C12orf56: variants seen among roughly 807,000 people sequenced by gnomAD.
C12orf56 encodes the protein chromosome 12 open reading frame 56.
In C12orf56, 71 loss-of-function variants were observed where a neutral mutation model predicts 69.9. The observed-to-expected ratio is 1.02, with a 90% CI of 0.84 to 1.24. The LOEUF (loss-of-function observed/expected upper bound fraction) is 1.24, where lower values mean the gene tolerates loss of function less well. C12orf56 is among the 50% of genes most tolerant of loss of function. C12orf56 has a pLI of 0.00. For missense variants in C12orf56, 732 were observed against 738.5 expected (o/e 0.99, Z 0.10); for synonymous variants, 276 against 274.1 (o/e 1.01, Z -0.07).
chr12:64,324,147 T>C (rs1442416425), intron 3 of C12orf56, among the ~76,000 whole-genome samples: 1 of 152,196 alleles, frequency 6.6e-6, no homozygotes, highest in Admixed American at 6.5e-5. Context: ...CACAAGCCAA[T>C]ATTATGCAAG....
chr12:64,347,005 G>A (rs370706782), intron 2 of C12orf56, among the ~76,000 whole-genome samples: 36 of 147,838 alleles, frequency 2.4e-4, no homozygotes, highest in South Asian at 4.3e-4. Flanking sequence ...ATGGAGTCTC[G>A]CTCTGTCTTG....
At chr12:64,379,927 CA>C (rs200293677) in intron 1 of C12orf56, among the ~76,000 whole-genome samples, 1,472 of 113,298 alleles carry the variant, frequency 0.013, 2 homozygotes, top group Non-Finnish European at 0.016. Context: ...ACTAAAAATA[CA>C]AAAAAAAAAA....
intron 6 of C12orf56, among the ~76,000 whole-genome samples, chr12:64,298,993 T>C (rs568612842): frequency 6.6e-6 from 1 of 152,334 alleles, no homozygotes; most frequent in East Asian, 1.9e-4. Flanking sequence ...ATTTTCACGA[T>C]ATTGATTCTT....
chr12:64,320,915 G>A (rs1565755108), intron 3 of C12orf56, among the ~76,000 whole-genome samples: 1 of 152,142 alleles, frequency 6.6e-6, no homozygotes, highest in South Asian at 2.1e-4. Flanking sequence ...AACCCTATAA[G>A]AACAGTAACT....
At chr12:64,299,219 T>C (rs183694675) in intron 6 of C12orf56, among the ~76,000 whole-genome samples, 1 of 152,320 alleles carries the variant, frequency 6.6e-6, no homozygotes, top group Admixed American at 6.5e-5. Context: ...CTTGTGATTT[T>C]TGTGCATTGA....
intron 1 of C12orf56, among the ~76,000 whole-genome samples, chr12:64,379,450 A>AT (rs1302773664): frequency 6.6e-6 from 1 of 151,364 alleles, no homozygotes; most frequent in Non-Finnish European, 1.5e-5. Context: ...ATGCCCGGCT[A>AT]TTTTTTTGTA....
chr12:64,289,519 G>A (rs61933486), intron 6 of C12orf56, among the ~76,000 whole-genome samples: 1 of 10,486 alleles, frequency 9.5e-5, no homozygotes, highest in African/African-American at 1.8e-4. Context: ...TTTGAAATAC[G>A]TCCCATCAAT....
intron 6 of C12orf56, among the ~76,000 whole-genome samples, chr12:64,294,165 T>TAA (rs58293333): frequency 4.7e-5 from 7 of 148,564 alleles, no homozygotes; most frequent in South Asian, 2.2e-4. Flanking sequence ...TAGCTACTAT[T>TAA]AAAAAAAAAA....
Position 64,390,256 on chromosome 12 carries a change from C to T in C12orf56, c.252+58G>A, listed in dbSNP as rs1592513457. On this transcript the variant is annotated intron_variant, in intron 1 of 12. Coordinates refer to ENST00000543942, the MANE Select transcript of C12orf56 (RefSeq NM_001170633.2). Reference sequence around the variant, plus strand: ...CGCGCAGGAGGGCTGGGTTTGGGGGCCCCAGCCGGGAGTTCTCACTGCGCT... The same window carrying T: ...CGCGCAGGAGGGCTGGGTTTGGGGGTCCCAGCCGGGAGTTCTCACTGCGCT... 2.0e-6 allele frequency: 3 copies of T among 1,521,060 alleles called. No homozygotes were observed. In the Admixed American group the frequency reaches 6.1e-5, roughly 31 times the overall value. The allele number at this position is 1,521,060 out of a possible 1,614,324, so 94.2% of individuals were successfully genotyped here.
chr12:64,308,959 GAAAGAAAGAAAGA>G, intron 5 of C12orf56, among the ~76,000 whole-genome samples: 1 of 110,020 alleles, frequency 9.1e-6, no homozygotes, highest in South Asian at 3.0e-4. Flanking sequence ...AAGAAAGAAA[GAAAGAAAGAAAGA>G]AAAGAAAGAA....
intron 2 of C12orf56, among the ~76,000 whole-genome samples, chr12:64,343,872 T>G (rs1432046400): frequency 6.6e-6 from 1 of 152,166 alleles, no homozygotes; most frequent in Non-Finnish European, 1.5e-5. Flanking sequence ...ATAATAGCCC[T>G]CAATCTACCA....
intron 11 of C12orf56, among the ~76,000 whole-genome samples, chr12:64,274,353 T>G (rs1053451607): frequency 1.3e-5 from 2 of 152,102 alleles, no homozygotes; most frequent in South Asian, 4.1e-4. Context: ...GTAGGCCATG[T>G]TAAGGAGTTT....
chr12:64,365,234 G>C (rs1440543465), intron 1 of C12orf56, among the ~76,000 whole-genome samples: 1 of 145,730 alleles, frequency 6.9e-6, no homozygotes, highest in Non-Finnish European at 1.5e-5. Flanking sequence ...GCGCGATCTC[G>C]GCTCACTGCA....
chr12:64,335,067 T>C (rs544316479), intron 2 of C12orf56, among the ~76,000 whole-genome samples: 1 of 152,148 alleles, frequency 6.6e-6, no homozygotes, highest in Non-Finnish European at 1.5e-5. Context: ...TGTTGGGTAA[T>C]GCTGTTCTAG....
intron 2 of C12orf56, among the ~76,000 whole-genome samples, chr12:64,344,542 G>A (rs143725857): frequency 7.6e-4 from 115 of 152,286 alleles, no homozygotes; most frequent in African/African-American, 2.5e-3. Flanking sequence ...TGCCCACCTT[G>A]CCTTTGACAG....
intron 2 of C12orf56, among the ~76,000 whole-genome samples, 160 bp from the exon 3 acceptor site, chr12:64,331,192 CT>C (rs67204029): frequency 0.27 from 40,448 of 152,078 alleles, 5,787 homozygotes; most frequent in Middle Eastern, 0.36. Context: ...GCAAAAAGAA[CT>C]TTGACTTTGA....
At position 64,295,823 on chromosome 12, in the gene C12orf56, T is replaced by C. The variant is rs1370247741; in HGVS notation, c.1113+7812A>G. Reference sequence around the variant, plus strand: ...TATATAATATATATTTTTATATCTATAATATATATCACTCTATATTATAGC... The same window carrying C: ...TATATAATATATATTTTTATATCTACAATATATATCACTCTATATTATAGC... On this transcript the variant is annotated intron_variant, in intron 6 of 12. Coordinates refer to ENST00000543942, the MANE Select transcript of C12orf56 (RefSeq NM_001170633.2). 1.3e-5 allele frequency among the ~76,000 whole-genome samples: 2 copies of C among 150,918 alleles called. 1 individual carries two copies. Among genetic ancestry groups the C allele is most frequent in the African/African-American group, 4.8e-5 (2 of 41,262 alleles).
intron 2 of C12orf56, among the ~76,000 whole-genome samples, chr12:64,342,024 C>T (rs1396068897): frequency 6.6e-6 from 1 of 152,156 alleles, no homozygotes; most frequent in African/African-American, 2.4e-5. Context: ...ATCCTATCCA[C>T]TTGATTATCA....
chr12:64,265,357 C>G lies in C12orf56; in HGVS notation c.*1826G>C, dbSNP rs1313880415. On this transcript the variant is annotated 3_prime_UTR_variant, in exon 13 of 13. Coordinates refer to ENST00000543942, the MANE Select transcript of C12orf56 (RefSeq NM_001170633.2). ...ACTTGGACACTTTATGGGGTGATGG[C>G]TGGTGACAGCTGAAAGGGAAACTTT... The G allele has an allele frequency of 6.6e-6, 1 of 152,146 alleles. No homozygotes were observed. The highest frequency in any genetic ancestry group is 1.9e-4 in the East Asian group (1 of 5,194). 9.4% of individuals were successfully genotyped at this position (152,146 alleles called of 1,614,324 possible). A position where few individuals can be genotyped will look rare whatever the true frequency, so the allele number is the denominator to read the frequency against.
Sources: allele counts gnomAD v4.1 joint callset (sites outside exome capture counted in the v4.1 genomes callset), GRCh38; gene constraint gnomAD v4.1.1; transcripts MANE v1.5; gene names NCBI Gene and HGNC (gene_info 2026-07-23, HGNC 2026-07-21).